The following KAZN variants were observed in gnomAD, a reference collection of about 807,000 sequenced individuals.
KAZN encodes kazrin.
KAZN carries 40 observed loss-of-function variants against 87.4 expected under a neutral mutation model. The observed-to-expected ratio is 0.46, with a 90% CI of 0.36 to 0.60. KAZN has a LOEUF of 0.60. KAZN is among the 20% of genes least tolerant of loss of function. KAZN has a pLI of 0.00. For synonymous variants in KAZN, 466 were observed against 458.3 expected, an observed-to-expected ratio of 1.02 and a Z score of -0.22; for missense variants, 898 against 1,073.9, an observed-to-expected ratio of 0.84 and a Z score of 2.29.
intron 2 of KAZN, among the ~76,000 whole-genome samples, chr1:14,423,864 A>G (rs1269339749): frequency 1.3e-5 from 2 of 152,216 alleles, no homozygotes; most frequent in African/African-American, 2.4e-5. Flanking sequence ...ACTAGAGACA[A>G]TGTAAGGCTG....
At chr1:14,759,144 C>T (rs927712223) in intron 1 of KAZN, among the ~76,000 whole-genome samples, 6 of 152,042 alleles carry the variant, frequency 3.9e-5, no homozygotes, top group South Asian at 4.1e-4. Context: ...AATAAAAATC[C>T]GTGGGGGAGG....
At chr1:14,043,978 A>G (rs1412190218) in intron 1 of KAZN, among the ~76,000 whole-genome samples, 1 of 152,124 alleles carries the variant, frequency 6.6e-6, no homozygotes, top group African/African-American at 2.4e-5. Context: ...CAGCTGGGCC[A>G]TTCTCCCTTG....
chr1:14,518,482 G>C (rs1419685702), intron 2 of KAZN, among the ~76,000 whole-genome samples: 1 of 152,084 alleles, frequency 6.6e-6, no homozygotes, highest in Non-Finnish European at 1.5e-5. Flanking sequence ...CAGCCTGTTT[G>C]AAATCATTTT....
intron 2 of KAZN, among the ~76,000 whole-genome samples, chr1:14,323,576 C>G (rs1021330903): frequency 2.3e-4 from 35 of 152,090 alleles, no homozygotes; most frequent in African/African-American, 8.5e-4. Flanking sequence ...ATCCACTGTT[C>G]ATTTCAAGAT....
At chr1:14,156,048 T>G (rs1237574559) in intron 1 of KAZN, among the ~76,000 whole-genome samples, 1 of 152,200 alleles carries the variant, frequency 6.6e-6, no homozygotes, top group African/African-American at 2.4e-5. Context: ...CTATTATCAT[T>G]TATTGCAAGA....
chr1:14,524,976 G>C (rs1206735477), intron 2 of KAZN, among the ~76,000 whole-genome samples: 3 of 152,254 alleles, frequency 2.0e-5, no homozygotes, highest in Non-Finnish European at 2.9e-5. Flanking sequence ...TTGGCTAGAT[G>C]TATTTAACAC....
At chr1:14,164,270 C>A (rs1165926035) in intron 1 of KAZN, among the ~76,000 whole-genome samples, 1 of 152,144 alleles carries the variant, frequency 6.6e-6, no homozygotes, top group Admixed American at 6.5e-5. Flanking sequence ...CTGGGCACAT[C>A]CATCTGAGGG....
intron 2 of KAZN, among the ~76,000 whole-genome samples, chr1:14,326,177 A>G (rs1557641111): frequency 6.6e-6 from 1 of 152,056 alleles, no homozygotes; most frequent in Non-Finnish European, 1.5e-5. Flanking sequence ...TTCTAGTTTC[A>G]TCTCTCATGT....
chr1:13,905,724 G>A (rs1639412656), intron 1 of KAZN, among the ~76,000 whole-genome samples: 1 of 152,092 alleles, frequency 6.6e-6, no homozygotes, highest in African/African-American at 2.4e-5. Context: ...CCTCCGAACA[G>A]CCAAAATCTT....
At chr1:15,107,186 A>C (rs1268273571) in intron 13 of KAZN, among the ~76,000 whole-genome samples, 1 of 152,180 alleles carries the variant, frequency 6.6e-6, no homozygotes, top group African/African-American at 2.4e-5. Flanking sequence ...ACAGTCATTG[A>C]ACACCTGCTG....
intron 2 of KAZN, among the ~76,000 whole-genome samples, chr1:14,470,671 G>T (rs866055658): frequency 6.6e-6 from 1 of 152,180 alleles, no homozygotes; most frequent in African/African-American, 2.4e-5. Flanking sequence ...TACTTTGTTT[G>T]CAGGAAAAGG....
chr1:14,029,572 T>C (rs1489171363), intron 1 of KAZN, among the ~76,000 whole-genome samples: 1 of 145,902 alleles, frequency 6.9e-6, no homozygotes, highest in Non-Finnish European at 1.5e-5. Context: ...TGAATGGTAA[T>C]GCCTAGGTTT....
chr1:15,022,983 G>A (rs1486871885), intron 2 of KAZN, among the ~76,000 whole-genome samples: 1 of 152,226 alleles, frequency 6.6e-6, no homozygotes. Flanking sequence ...TCCTTTACCT[G>A]CCAGGGGCTG....
intron 2 of KAZN, among the ~76,000 whole-genome samples, chr1:14,543,781 T>G (rs1350979081): frequency 6.6e-6 from 1 of 152,180 alleles, no homozygotes; most frequent in Admixed American, 6.5e-5. Context: ...CATTAGAAAT[T>G]GGCAAACAGC....
intron 1 of KAZN, among the ~76,000 whole-genome samples, chr1:14,727,756 G>T (rs72636627): frequency 1.3e-5 from 2 of 151,398 alleles, no homozygotes; most frequent in Non-Finnish European, 2.9e-5. Flanking sequence ...GTGAGCCACC[G>T]CTTCGGCTGT....
chr1:14,026,889 G>A (rs1641102092), intron 1 of KAZN, among the ~76,000 whole-genome samples: 1 of 152,144 alleles, frequency 6.6e-6, no homozygotes, highest in African/African-American at 2.4e-5. Context: ...GGGGATCATG[G>A]AGGAACAGCC....
chr1:13,960,306 T>A (rs1484322066), intron 1 of KAZN, among the ~76,000 whole-genome samples: 2 of 152,204 alleles, frequency 1.3e-5, no homozygotes, highest in African/African-American at 4.8e-5. Context: ...GGCAGAGAGC[T>A]TCGCCCAACA....
chr1:14,052,556 G>T (rs1304876421), intron 1 of KAZN, among the ~76,000 whole-genome samples: 1 of 151,842 alleles, frequency 6.6e-6, no homozygotes, highest in African/African-American at 2.4e-5. Flanking sequence ...AAAAACAAGA[G>T]AAATTGACAG....
chr1:15,069,890 A>T (rs1639430025), intron 8 of KAZN, among the ~76,000 whole-genome samples: 1 of 152,206 alleles, frequency 6.6e-6, no homozygotes, highest in Admixed American at 6.5e-5. Flanking sequence ...TTGCAGGCTA[A>T]AACAGCTGTA....
Sources: gnomAD v4.1 joint callset for allele counts (sites outside exome capture counted in the v4.1 genomes callset) on GRCh38, gnomAD v4.1.1 for gene constraint, MANE v1.5 for transcripts, NCBI Gene and HGNC (gene_info 2026-07-23, HGNC 2026-07-21) for gene names.